SGSM1: variants seen among roughly 807,000 people sequenced by gnomAD.
The protein encoded by SGSM1 is small G protein signaling modulator 1.
In SGSM1, 73 loss-of-function variants were observed where a neutral mutation model predicts 133.8. That is an observed-to-expected ratio of 0.55 (90% CI 0.45 to 0.66). SGSM1 has a LOEUF of 0.66. Among genes scored for constraint, SGSM1 ranks in the 30% least tolerant of loss-of-function variants. The pLI, the probability that SGSM1 is intolerant of heterozygous loss-of-function variation, is 0.00. For missense variants in SGSM1, 1,213 were observed against 1,448.1 expected, an observed-to-expected ratio of 0.84 and a Z score of 2.64; for synonymous variants, 563 against 573.0, an observed-to-expected ratio of 0.98 and a Z score of 0.25.
chr22:24,884,003 G>A (rs952775121), intron 14 of SGSM1, 50 bp from the exon 15 acceptor site: 5 of 1,526,304 alleles, frequency 3.3e-6, no homozygotes, highest in Non-Finnish European at 4.4e-6. Flanking sequence ...GAGACAAGGT[G>A]AGGGGCTTCA....
intron 20 of SGSM1, among the ~76,000 whole-genome samples, chr22:24,904,004 A>G (rs111278977): frequency 0.17 from 15,894 of 94,134 alleles, 1,029 homozygotes; most frequent in East Asian, 0.32. Flanking sequence ...AAAAGGAAAA[A>G]GAAAAAGAAA....
chr22:24,833,029 G>A (rs1008488101), intron 2 of SGSM1, among the ~76,000 whole-genome samples: 2 of 151,768 alleles, frequency 1.3e-5, no homozygotes, highest in Non-Finnish European at 2.9e-5. Flanking sequence ...CTGCCTCCTG[G>A]GTTCAAGCGA....
Position 24,840,940 on chromosome 22 carries a change from A to T in SGSM1, c.64-3957A>T, listed in dbSNP as rs558053411. ...ATCTCGGCTCACTGCAAGCTCCGCC[A>T]CCCGGGTTCACACCATTCTCTTGCC... is the stretch of plus-strand genomic sequence containing the variant. On this transcript the variant is annotated intron_variant, in intron 2 of 24. Transcript: ENST00000400358. Among the ~76,000 whole-genome samples the T allele has an allele frequency of 1.8e-4, 27 of 152,020 alleles. 1 individual carries two copies. The Middle Eastern group carries it at 0.01, about 58-fold the overall frequency.
intron 9 of SGSM1, among the ~76,000 whole-genome samples, chr22:24,864,510 C>A (rs562471823): frequency 6.6e-6 from 1 of 152,302 alleles, no homozygotes; most frequent in South Asian, 2.1e-4. Context: ...AGATAAATCA[C>A]CAGTGGATAT....
intron 19 of SGSM1, 114 bp downstream of exon 19, chr22:24,898,673 A>C (rs1410590478): frequency 9.6e-7 from 1 of 1,038,018 alleles, no homozygotes; most frequent in Non-Finnish European, 1.4e-6. Context: ...GGTTCGTTGC[A>C]TTTTTTCCGT....
At chr22:24,806,597 G>A (rs1205097643) in intron 2 of SGSM1, 113 bp downstream of exon 2, 3 of 1,297,686 alleles carry the variant, frequency 2.3e-6, no homozygotes, top group African/African-American at 1.6e-5. Flanking sequence ...GCCAGAACAG[G>A]TGTGGGGCTC....
intron 2 of SGSM1, among the ~76,000 whole-genome samples, chr22:24,841,127 G>A (rs573974993): frequency 7.2e-5 from 11 of 152,314 alleles, no homozygotes; most frequent in Non-Finnish European, 7.4e-5. Flanking sequence ...TGGGATTACA[G>A]GCGTGAGCCA....
intron 9 of SGSM1, among the ~76,000 whole-genome samples, chr22:24,863,065 C>T (rs1931244646): frequency 6.6e-6 from 1 of 152,198 alleles, no homozygotes; most frequent in Non-Finnish European, 1.5e-5. Context: ...CGAGGATTGC[C>T]AAGCCCCGCC....
intron 24 of SGSM1, among the ~76,000 whole-genome samples, chr22:24,921,122 C>T (rs1211571234): frequency 3.4e-5 from 5 of 149,250 alleles, no homozygotes; most frequent in Non-Finnish European, 5.9e-5. Context: ...TTTTTTGAGA[C>T]GGAGTCTCAC....
At chr22:24,837,136 C>T (rs986397381) in intron 2 of SGSM1, among the ~76,000 whole-genome samples, 5 of 152,112 alleles carry the variant, frequency 3.3e-5, no homozygotes, top group African/African-American at 9.7e-5. Flanking sequence ...CACCAATGCA[C>T]GGAGACCGGT....
chr22:24,870,736 G>A (rs1931728079), intron 12 of SGSM1, among the ~76,000 whole-genome samples: 1 of 152,194 alleles, frequency 6.6e-6, no homozygotes, highest in Non-Finnish European at 1.5e-5. Flanking sequence ...GGGAACCAGT[G>A]CCTCCCTGGA....
chr22:24,842,148 C>T (rs140501106), intron 2 of SGSM1, among the ~76,000 whole-genome samples: 233 of 152,286 alleles, frequency 1.5e-3, no homozygotes, highest in Middle Eastern at 6.8e-3. Context: ...TCAGCATCAC[C>T]GTGTCCTGCC....
chr22:24,894,916 C>T (rs1169851422), intron 17 of SGSM1, among the ~76,000 whole-genome samples: 2 of 152,120 alleles, frequency 1.3e-5, no homozygotes, highest in Non-Finnish European at 2.9e-5. Context: ...ACCAGTTACT[C>T]TGTGAGTTGA....
intron 2 of SGSM1, among the ~76,000 whole-genome samples, chr22:24,821,032 T>C (rs1025558235): frequency 6.6e-6 from 1 of 152,176 alleles, no homozygotes; most frequent in Admixed American, 6.5e-5. Flanking sequence ...TTCCTTTCTT[T>C]TGCTTTCTCC....
intron 19 of SGSM1, among the ~76,000 whole-genome samples, chr22:24,900,132 C>T (rs938560957): frequency 1.7e-4 from 26 of 151,706 alleles, no homozygotes; most frequent in African/African-American, 6.1e-4. Flanking sequence ...TCCTTCCTCC[C>T]ACCTCAGCCC....
rs200447802 is a variant in SGSM1 at position 24,859,746 on chromosome 22, C to T, written c.832C>T (p.Leu278=). The change falls in exon 9 of 25, where the codon CTG becomes TTG. Residue 278 remains leucine (L), a synonymous_variant. Transcript: ENST00000400358. ...RDDMEAVPGY[L]SLHQTADVMT... ...CGACATGGAGGCTGTGCCAGGGTAC[C>T]TGTCCCTGCACCAGACGGCTGACGT... The T allele has an allele frequency of 1.4e-5, 22 of 1,613,956 alleles. No individual in the cohort carries two copies. The East Asian group carries it at 2.7e-4, about 20-fold the overall frequency.
chr22:24,832,342 A>G (rs1305167795), intron 2 of SGSM1, among the ~76,000 whole-genome samples: 1 of 152,214 alleles, frequency 6.6e-6, no homozygotes, highest in African/African-American at 2.4e-5. Flanking sequence ...GCACATATAG[A>G]TAAGAGGGTT....
intron 16 of SGSM1, 64 bp downstream of exon 16, chr22:24,886,792 G>A (rs1932633343): frequency 1.3e-6 from 2 of 1,515,140 alleles, no homozygotes; most frequent in African/African-American, 2.8e-5. Flanking sequence ...CTGTGGGGCT[G>A]GGGAGTGCTG....
At chr22:24,867,495 C>G (rs1931525878) in intron 10 of SGSM1, among the ~76,000 whole-genome samples, 1 of 152,168 alleles carries the variant, frequency 6.6e-6, no homozygotes, top group Admixed American at 6.5e-5. Flanking sequence ...ACTCACATGC[C>G]CGTTATTCAG....
Sources: gnomAD v4.1 joint callset for allele counts (sites outside exome capture counted in the v4.1 genomes callset) on GRCh38, gnomAD v4.1.1 for gene constraint, MANE v1.5 for transcripts, NCBI Gene and HGNC (gene_info 2026-07-23, HGNC 2026-07-21) for gene names.